The following SORCS2 variants were observed in gnomAD, a reference collection of about 807,000 sequenced individuals.
SORCS2 encodes the protein VPS10 domain-containing receptor SorCS2.
A neutral mutation model predicts 141.6 loss-of-function variants in SORCS2; 100 were observed. The ratio of observed to expected loss-of-function variants is 0.71; its 90% CI spans 0.60 to 0.83. The LOEUF (loss-of-function observed/expected upper bound fraction) is 0.83, where lower values mean the gene tolerates loss of function less well. SORCS2 is among the 40% of genes least tolerant of loss of function. The pLI, the probability that SORCS2 is intolerant of heterozygous loss-of-function variation, is 0.00. For missense variants in SORCS2, 1,646 were observed against 1,560.2 expected, an observed-to-expected ratio of 1.05 and a Z score of -0.93; for synonymous variants, 789 against 676.9, an observed-to-expected ratio of 1.17 and a Z score of -2.57.
At chr4:7,695,666 GGATGGA>G (rs1724610932) in intron 11 of SORCS2, among the ~76,000 whole-genome samples, 1 of 77,452 alleles carries the variant, frequency 1.3e-5, no homozygotes, top group Non-Finnish European at 2.6e-5. Flanking sequence ...ATGGATGGAT[GGATGGA>G]TGGATGGATG....
intron 1 of SORCS2, among the ~76,000 whole-genome samples, chr4:7,297,613 G>C (rs1317271660): frequency 6.6e-6 from 1 of 152,226 alleles, no homozygotes; most frequent in Non-Finnish European, 1.5e-5. Flanking sequence ...CCGAGTTCAA[G>C]GGCTGCTGTT....
At chr4:7,481,794 C>T (rs1248612980) in intron 2 of SORCS2, among the ~76,000 whole-genome samples, 2 of 152,100 alleles carry the variant, frequency 1.3e-5, no homozygotes, top group Admixed American at 6.5e-5. Context: ...GCTGCCAGAA[C>T]AGAGGAGGGT....
intron 2 of SORCS2, among the ~76,000 whole-genome samples, chr4:7,417,032 A>G (rs936689985): frequency 2.6e-5 from 4 of 152,126 alleles, no homozygotes; most frequent in African/African-American, 9.7e-5. Flanking sequence ...CATTAAAGTG[A>G]CATTCTGCCC....
intron 1 of SORCS2, among the ~76,000 whole-genome samples, chr4:7,277,962 C>G (rs1415803088): frequency 6.6e-6 from 1 of 152,156 alleles, no homozygotes; most frequent in African/African-American, 2.4e-5. Flanking sequence ...AGGGGAGTGT[C>G]TGAGCACGTC....
chr4:7,443,582 G>A (rs980499583), intron 2 of SORCS2, among the ~76,000 whole-genome samples: 1 of 152,198 alleles, frequency 6.6e-6, no homozygotes, highest in Non-Finnish European at 1.5e-5. Context: ...TTTAGAAGCC[G>A]TGTCCTAAGG....
At chr4:7,548,440 T>C (rs993713084) in intron 3 of SORCS2, among the ~76,000 whole-genome samples, 8 of 152,074 alleles carry the variant, frequency 5.3e-5, no homozygotes, top group Non-Finnish European at 1.0e-4. Context: ...AGAGCCGCCA[T>C]GTACTAAGTG....
intron 3 of SORCS2, among the ~76,000 whole-genome samples, chr4:7,546,259 G>A (rs111452444): frequency 7.9e-5 from 12 of 152,254 alleles, no homozygotes; most frequent in African/African-American, 2.2e-4. Context: ...CCAAGCCTGG[G>A]TCACCCAGCA....
chr4:7,329,495 C>T (rs1389160559), intron 1 of SORCS2, among the ~76,000 whole-genome samples: 2 of 152,228 alleles, frequency 1.3e-5, no homozygotes, highest in African/African-American at 4.8e-5. Flanking sequence ...GACGTGGCCC[C>T]TACCCTGAAC....
chr4:7,450,548 A>G (rs371018220), intron 2 of SORCS2, among the ~76,000 whole-genome samples: 24 of 152,304 alleles, frequency 1.6e-4, no homozygotes, highest in African/African-American at 5.8e-4. Flanking sequence ...GACTCACCAC[A>G]GCTGTAGGTG....
Position 7,664,454 on chromosome 4 carries a change from G to T in SORCS2, c.1054G>T (p.Asp352Tyr). 1 of 1,612,010 alleles carries T rather than the reference G, an allele frequency of 6.2e-7. No homozygotes were observed. The highest frequency in any genetic ancestry group is 8.5e-7 in the Non-Finnish European group (1 of 1,178,460). The change falls in exon 7 of 27, where the codon GAT becomes TAT. Residue 352 changes from aspartate to tyrosine, a missense_variant. By Grantham distance (160) the Asp-to-Tyr change is radical. Coordinates refer to ENST00000507866, the MANE Select transcript of SORCS2 (RefSeq NM_020777.3). The surrounding 1 kb of genome is among the most constrained non-coding windows in gnomAD (Gnocchi z 4.7). The part of the protein sequence containing the change: ...IDHGSLTVQD[D>Y]YIFFKATSAN... ...CCACGGGTCTCTGACCGTGCAGGACGATTACATCTTCTTTAAGGTAAGGTT... is the reference window on the plus strand; with the variant it reads ...CCACGGGTCTCTGACCGTGCAGGACTATTACATCTTCTTTAAGGTAAGGTT...
intron 3 of SORCS2, among the ~76,000 whole-genome samples, chr4:7,626,909 A>G (rs1719548306): frequency 6.6e-6 from 1 of 152,078 alleles, no homozygotes; most frequent in Non-Finnish European, 1.5e-5. Flanking sequence ...ACTGTTCCCC[A>G]TCCTCATCCT....
At chr4:7,699,679 G>A (rs890033298) in intron 12 of SORCS2, among the ~76,000 whole-genome samples, 3 of 152,146 alleles carry the variant, frequency 2.0e-5, no homozygotes, top group Non-Finnish European at 2.9e-5. Flanking sequence ...AATCATGCTC[G>A]GGCATGGCAG....
intron 5 of SORCS2, among the ~76,000 whole-genome samples, chr4:7,655,911 G>C (rs763284821): frequency 6.6e-6 from 1 of 152,192 alleles, no homozygotes; most frequent in African/African-American, 2.4e-5. Flanking sequence ...GGAAATTGGC[G>C]ATAATTCAAA....
intron 1 of SORCS2, among the ~76,000 whole-genome samples, chr4:7,257,128 A>C (rs1713941618): frequency 6.7e-6 from 1 of 148,168 alleles, no homozygotes; most frequent in African/African-American, 2.4e-5. Context: ...GAATGTGTGA[A>C]TCTTGGCCGG....
chr4:7,639,528 T>TG (rs71175419), intron 4 of SORCS2, among the ~76,000 whole-genome samples: 46,516 of 136,006 alleles, frequency 0.34, 9,854 homozygotes, highest in East Asian at 0.89. Context: ...TTGTGGGATG[T>TG]GGGGGGGTGT....
intron 3 of SORCS2, among the ~76,000 whole-genome samples, chr4:7,621,539 A>G (rs1338076297): frequency 1.1e-4 from 16 of 142,878 alleles, no homozygotes; most frequent in African/African-American, 2.6e-5. Context: ...ATGTGTGAGT[A>G]TGTGTGTGTG....
At position 7,488,632 on chromosome 4, in the gene SORCS2, G is replaced by A. The variant is rs16840391; in HGVS notation, c.549-42898G>A. Reference sequence around the variant, plus strand: ...TCCTTCCACTCACCAGGACAGGAACGGCCATCTCATTGACAGATGTGGAAA... The same window carrying A: ...TCCTTCCACTCACCAGGACAGGAACAGCCATCTCATTGACAGATGTGGAAA... On this transcript the variant is annotated intron_variant, in intron 2 of 26. Coordinates refer to ENST00000507866, the MANE Select transcript of SORCS2 (RefSeq NM_020777.3). Among the ~76,000 whole-genome samples the A allele has an allele frequency of 9.3e-3, 1,422 of 152,296 alleles. 25 individuals are homozygous for A. The highest frequency in any genetic ancestry group is 0.033 in the African/African-American group (1,361 of 41,564).
intron 1 of SORCS2, among the ~76,000 whole-genome samples, chr4:7,315,189 A>T (rs1032426317): frequency 6.6e-6 from 1 of 152,026 alleles, no homozygotes; most frequent in Non-Finnish European, 1.5e-5. Context: ...CTGAGCTTCG[A>T]GTGAGCCTCC....
Position 7,538,533 on chromosome 4 carries a change from A to T in SORCS2, c.648+6904A>T, listed in dbSNP as rs150239308. Among the ~76,000 whole-genome samples, 1,073 of 152,254 alleles carry T rather than the reference A, an allele frequency of 7.0e-3. 12 individuals are homozygous for T. Among genetic ancestry groups the T allele is most frequent in the African/African-American group, 0.024 (980 of 41,518 alleles). ...GCATTGTGTTTTATATGAAAAATTTATGTGAATGGGCATCTTACTCCATTA... is the reference window on the plus strand; with the variant it reads ...GCATTGTGTTTTATATGAAAAATTTTTGTGAATGGGCATCTTACTCCATTA... On this transcript the variant is annotated intron_variant, in intron 3 of 26. Coordinates refer to ENST00000507866, the MANE Select transcript of SORCS2 (RefSeq NM_020777.3).
Sources: allele counts gnomAD v4.1 joint callset (sites outside exome capture counted in the v4.1 genomes callset), GRCh38; gene constraint gnomAD v4.1.1; non-coding constraint Gnocchi (gnomAD v3.1); transcripts MANE v1.5; gene names NCBI Gene and HGNC (gene_info 2026-07-23, HGNC 2026-07-21).